Variants in DLGAP2 observed in about 807,000 individuals in gnomAD.
The protein encoded by DLGAP2 is DLG associated protein 2.
A neutral mutation model predicts 100.3 loss-of-function variants in DLGAP2; 26 were observed. That is an observed-to-expected ratio of 0.26 (90% confidence interval 0.19 to 0.36). The LOEUF (loss-of-function observed/expected upper bound fraction) is 0.36, where lower values mean the gene tolerates loss of function less well. Ranked by LOEUF, DLGAP2 falls within the 10% of genes least tolerant of loss-of-function variation. DLGAP2 has a pLI of 1.00. For synonymous variants in DLGAP2, 886 were observed against 630.1 expected (o/e 1.41, Z -6.08); for missense variants, 1,858 against 1,453.2 (o/e 1.28, Z -4.53).
At chr8:929,012 C>G (rs1339914082) in intron 2 of DLGAP2, among the ~76,000 whole-genome samples, 2 of 130,044 alleles carry the variant, frequency 1.5e-5, no homozygotes, top group African/African-American at 5.9e-5. Context: ...CCCCACCATT[C>G]CCCCTCTAAA....
intron 3 of DLGAP2, among the ~76,000 whole-genome samples, chr8:1,333,915 C>A (rs919831193): frequency 1.3e-4 from 20 of 152,246 alleles, no homozygotes; most frequent in Non-Finnish European, 2.9e-4. Flanking sequence ...CCATCTGAGG[C>A]TCAGCCCTGG....
chr8:1,098,250 A>G (rs113210715), intron 2 of DLGAP2, among the ~76,000 whole-genome samples: 115 of 152,318 alleles, frequency 7.5e-4, no homozygotes, highest in African/African-American at 2.7e-3. Context: ...TTCCAAAAAT[A>G]TGTTTACAAT....
intron 2 of DLGAP2, among the ~76,000 whole-genome samples, chr8:941,530 A>T (rs766744069): frequency 6.6e-6 from 1 of 152,148 alleles, no homozygotes; most frequent in African/African-American, 2.4e-5. Context: ...GAGTGTCTCC[A>T]TCTGGAGATT....
rs922529954 is a variant in DLGAP2 at position 1,704,239 on chromosome 8, A to G, written c.*2833A>G. ...GAAAAGAGTAAACATCCATTGGAGAACACGGCTGAAAATTATTGTGCTGTT... is the reference window on the plus strand; with the variant it reads ...GAAAAGAGTAAACATCCATTGGAGAGCACGGCTGAAAATTATTGTGCTGTT... On this transcript the variant is annotated 3_prime_UTR_variant, in exon 15 of 15. Transcript: ENST00000637795. The G allele has an allele frequency of 1.3e-5, 2 of 152,340 alleles. No individual in the cohort carries two copies. The highest frequency in any genetic ancestry group is 2.9e-5 in the Non-Finnish European group (2 of 68,050). The allele number at this position is 152,340 out of a possible 1,614,324, so 9.4% of individuals were successfully genotyped here.
chr8:784,021 T>C (rs1174943898), intron 1 of DLGAP2, among the ~76,000 whole-genome samples: 2 of 152,232 alleles, frequency 1.3e-5, no homozygotes, highest in Non-Finnish European at 2.9e-5. Context: ...AACACACTTA[T>C]GTTCCATCCA....
At position 863,951 on chromosome 8, in the gene DLGAP2, C is replaced by A. The variant is rs142623854; in HGVS notation, c.19-43961C>A. Among the ~76,000 whole-genome samples the A allele has an allele frequency of 1.9e-3, 289 of 152,216 alleles. 1 individual carries two copies. Among genetic ancestry groups the A allele is most frequent in the African/African-American group, 6.5e-3 (268 of 41,524 alleles). On this transcript the variant is annotated intron_variant, in intron 1 of 14. Transcript: ENST00000637795. The stretch of plus-strand genomic sequence containing the variant: ...CCCCACAGCCCAGAAACGGAATCAG[C>A]CTGTGTGTCCATCAACAGGTGAATG...
intron 2 of DLGAP2, among the ~76,000 whole-genome samples, chr8:1,065,862 C>A (rs1366301570): frequency 6.6e-6 from 1 of 152,158 alleles, no homozygotes; most frequent in East Asian, 1.9e-4. Flanking sequence ...GGAAATCTTT[C>A]CTAGCTATTT....
At chr8:944,868 C>T (rs913539642) in intron 2 of DLGAP2, among the ~76,000 whole-genome samples, 2 of 151,572 alleles carry the variant, frequency 1.3e-5, no homozygotes, top group Non-Finnish European at 2.9e-5. Flanking sequence ...CGACTTTGTG[C>T]AGGTGATCCA....
intron 1 of DLGAP2, among the ~76,000 whole-genome samples, chr8:837,916 G>A (rs1161833025): frequency 7.9e-5 from 11 of 138,640 alleles, no homozygotes; most frequent in Non-Finnish European, 1.2e-4. Context: ...TCTTTTTTAA[G>A]TAGAGAGGGG....
At chr8:1,317,044 G>T (rs529947789) in intron 3 of DLGAP2, among the ~76,000 whole-genome samples, 3 of 118,372 alleles carry the variant, frequency 2.5e-5, no homozygotes, top group African/African-American at 3.6e-5. Context: ...GAGCGTGTGC[G>T]AGTGCAGCGT....
At chr8:947,267 C>G (rs1420656503) in intron 2 of DLGAP2, among the ~76,000 whole-genome samples, 1 of 152,196 alleles carries the variant, frequency 6.6e-6, no homozygotes, top group Non-Finnish European at 1.5e-5. Flanking sequence ...GGGGTCCACT[C>G]TCGTTCCTGT....
At chr8:1,333,728 C>T (rs1045638485) in intron 3 of DLGAP2, among the ~76,000 whole-genome samples, 1 of 152,230 alleles carries the variant, frequency 6.6e-6, no homozygotes, top group Non-Finnish European at 1.5e-5. Context: ...AATTCAGTTT[C>T]ATATGGTTCT....
At chr8:973,824 G>C (rs901590627) in intron 2 of DLGAP2, among the ~76,000 whole-genome samples, 14 of 150,690 alleles carry the variant, frequency 9.3e-5, no homozygotes, top group African/African-American at 3.1e-4. Flanking sequence ...GTGGCCCCGC[G>C]GCGGTCCGGG....
intron 3 of DLGAP2, among the ~76,000 whole-genome samples, chr8:1,295,709 C>T (rs144381494): frequency 0.018 from 2,678 of 152,300 alleles, 32 homozygotes; most frequent in South Asian, 0.037. Context: ...CCACTCCGGG[C>T]CCCAGTCTCT....
intron 3 of DLGAP2, chr8:1,381,481 A>G (rs1041512566): frequency 6.6e-6 from 1 of 152,212 alleles, no homozygotes; most frequent in Admixed American, 6.5e-5. Context: ...CAACTGGGTA[A>G]ATTAACACAC....
intron 2 of DLGAP2, among the ~76,000 whole-genome samples, chr8:1,168,979 T>A (rs374072263): frequency 2.7e-5 from 4 of 147,326 alleles, no homozygotes; most frequent in Non-Finnish European, 6.0e-5. Flanking sequence ...TGAATGGTAT[T>A]GCCTAGGTTT....
chr8:743,412 A>T (rs756838840), intron 1 of DLGAP2, among the ~76,000 whole-genome samples: 1 of 152,014 alleles, frequency 6.6e-6, no homozygotes, highest in African/African-American at 2.4e-5. Context: ...GGTAGATCTT[A>T]TATTCAGGGG....
intron 1 of DLGAP2, among the ~76,000 whole-genome samples, chr8:896,407 A>T (rs568530595): frequency 6.8e-6 from 1 of 147,028 alleles, no homozygotes; most frequent in South Asian, 2.3e-4. Context: ...GGATGGTGTG[A>T]CACCAGGGCG....
chr8:1,408,906 A>G (rs1469325010), intron 3 of DLGAP2, among the ~76,000 whole-genome samples: 1 of 152,102 alleles, frequency 6.6e-6, no homozygotes, highest in East Asian at 1.9e-4. Context: ...CTGTCTGCCC[A>G]CCCTCCTGGG....
Sources: allele counts gnomAD v4.1 joint callset (sites outside exome capture counted in the v4.1 genomes callset), GRCh38; gene constraint gnomAD v4.1.1; transcripts MANE v1.5; gene names NCBI Gene and HGNC (gene_info 2026-07-23, HGNC 2026-07-21).